LARP1B: variants seen among roughly 807,000 people sequenced by gnomAD.
The protein encoded by LARP1B is la-related protein 1B.
LARP1B carries 76 observed loss-of-function variants against 114.2 expected under a neutral mutation model. The observed-to-expected ratio is 0.67, with a 90% confidence interval of 0.55 to 0.81. LARP1B has a LOEUF of 0.81. Ranked by LOEUF, LARP1B falls within the 30% of genes least tolerant of loss-of-function variation. The probability of loss-of-function intolerance (pLI) is 0.00; values close to 1 mark genes in which losing one functional copy is unlikely to be tolerated. For synonymous variants in LARP1B, 345 were observed against 348.0 expected (o/e 0.99, Z 0.10); for missense variants, 1,014 against 1,075.8 (o/e 0.94, Z 0.80).
intron 11 of LARP1B, chr4:128,123,474 C>T (rs959476270): frequency 1.3e-6 from 1 of 756,068 alleles, no homozygotes; most frequent in African/African-American, 1.9e-5. Context: ...TTCTCTATCC[C>T]TTTACCCAGC....
rs960248498 is a variant in LARP1B at position 128,210,867 on chromosome 4, G to C, written c.*814G>C. On this transcript the variant is annotated 3_prime_UTR_variant, in exon 20 of 20. Coordinates refer to ENST00000326639, the MANE Select transcript of LARP1B (RefSeq NM_018078.4). ...CTGCATTGGGATTGATTGGAATATT[G>C]TCCTAAATTAATTAAATCTTGCACT... The C allele has an allele frequency of 1.7e-5, 17 of 984,388 alleles. No homozygotes were observed. The highest frequency in any genetic ancestry group is 2.1e-5 in the Non-Finnish European group (17 of 829,144). The allele number at this position is 984,388 out of a possible 1,614,324, so 61.0% of individuals were successfully genotyped here.
At chr4:128,135,341 C>T (rs1397025118) in intron 11 of LARP1B, among the ~76,000 whole-genome samples, 1 of 151,944 alleles carries the variant, frequency 6.6e-6, no homozygotes. Flanking sequence ...AATGGTGCAG[C>T]CCTTATGGAA....
chr4:128,161,507 CAA>C (rs1581159322), intron 11 of LARP1B, among the ~76,000 whole-genome samples: 1 of 152,168 alleles, frequency 6.6e-6, no homozygotes, highest in African/African-American at 2.4e-5. Flanking sequence ...TATTATAAAA[CAA>C]AGTGAAATCT....
intron 12 of LARP1B, among the ~76,000 whole-genome samples, chr4:128,167,462 A>G (rs1741625661): frequency 6.6e-6 from 1 of 151,788 alleles, no homozygotes; most frequent in Non-Finnish European, 1.5e-5. Flanking sequence ...TGTATTTTGG[A>G]TATAACTCCT....
intron 7 of LARP1B, among the ~76,000 whole-genome samples, chr4:128,095,100 A>G (rs1777421774): frequency 6.6e-6 from 1 of 152,156 alleles, no homozygotes; most frequent in Admixed American, 6.6e-5. Flanking sequence ...CACATGCCAG[A>G]CACTATGAAT....
At chr4:128,185,534 GT>G (rs56275913) in intron 15 of LARP1B, among the ~76,000 whole-genome samples, 18 of 146,382 alleles carry the variant, frequency 1.2e-4, no homozygotes, top group South Asian at 2.1e-4. Flanking sequence ...TATTTGTATT[GT>G]TTTTTTTTTT....
chr4:128,122,625 C>CT, intron 11 of LARP1B: 2 of 1,458,388 alleles, frequency 1.4e-6, no homozygotes, highest in Non-Finnish European at 1.8e-6. Flanking sequence ...CTTCTTGCCT[C>CT]TTTCTGTTTT....
intron 4 of LARP1B, among the ~76,000 whole-genome samples, chr4:128,080,884 G>A (rs1358405072): frequency 6.6e-6 from 1 of 151,816 alleles, no homozygotes; most frequent in African/African-American, 2.4e-5. Flanking sequence ...TAAAAATCCT[G>A]GGTAAATTAA....
At chr4:128,065,336 C>CTTTCT (rs70966072) in intron 1 of LARP1B, among the ~76,000 whole-genome samples, 5,334 of 107,142 alleles carry the variant, frequency 0.05, 326 homozygotes, top group East Asian at 0.11. Flanking sequence ...TCTCTCTTTC[C>CTTTCT]TTTCTTTTCT....
At chr4:128,064,587 A>G (rs1281342921) in intron 1 of LARP1B, among the ~76,000 whole-genome samples, 2 of 152,210 alleles carry the variant, frequency 1.3e-5, no homozygotes, top group Non-Finnish European at 2.9e-5. Context: ...TTTAAAGCCC[A>G]GTGGCAAGCA....
At chr4:128,083,633 A>C (rs1377962167) in intron 5 of LARP1B, among the ~76,000 whole-genome samples, 31 of 80,014 alleles carry the variant, frequency 3.9e-4, no homozygotes, top group African/African-American at 5.7e-4. Context: ...TGACCCCCCC[A>C]CCTCCCTCCC....
chr4:128,152,378 ATT>A (rs1445703886), intron 11 of LARP1B, among the ~76,000 whole-genome samples: 1 of 151,202 alleles, frequency 6.6e-6, no homozygotes, highest in Non-Finnish European at 1.5e-5. Context: ...TAATTTTTGT[ATT>A]TTCAGTAGAG....
intron 15 of LARP1B, among the ~76,000 whole-genome samples, chr4:128,187,804 C>T (rs577003274): frequency 6.6e-6 from 1 of 152,214 alleles, no homozygotes; most frequent in Non-Finnish European, 1.5e-5. Context: ...GATTGGATCA[C>T]CGGGGCAGTT....
At chr4:128,191,672 C>T (rs1210261180) in intron 15 of LARP1B, among the ~76,000 whole-genome samples, 20 of 152,186 alleles carry the variant, frequency 1.3e-4, no homozygotes. Flanking sequence ...TATGGCATCT[C>T]TTTTGGCTGA....
At chr4:128,168,711 A>G (rs1431210655) in intron 12 of LARP1B, among the ~76,000 whole-genome samples, 1 of 150,636 alleles carries the variant, frequency 6.6e-6, no homozygotes, top group Non-Finnish European at 1.5e-5. Flanking sequence ...ATATTGTTAG[A>G]CTCAGGTTGC....
chr4:128,198,789 AAGAGACTGGTTAATTCAAGTGAAAGAAG>A (rs1352631441), intron 15 of LARP1B, among the ~76,000 whole-genome samples: 5 of 152,340 alleles, frequency 3.3e-5, no homozygotes, highest in South Asian at 4.1e-4. Flanking sequence ...TGGAAAAACA[AAGAGACTGGTTAATTCAAGTGAAAGAAG>A]AGAGACTGGT....
chr4:128,087,087 T>C (rs1365722456), intron 5 of LARP1B, among the ~76,000 whole-genome samples: 2 of 152,124 alleles, frequency 1.3e-5, no homozygotes, highest in African/African-American at 2.4e-5. Context: ...GTCTGGCTAA[T>C]TTTTGTGGTT....
chr4:128,174,316 G>A (rs926567402), intron 12 of LARP1B, among the ~76,000 whole-genome samples: 5 of 151,742 alleles, frequency 3.3e-5, no homozygotes, highest in African/African-American at 1.2e-4. Context: ...GACAAAAAAT[G>A]TTAATATATT....
At chr4:128,102,886 T>G (rs1230654238) in intron 8 of LARP1B, among the ~76,000 whole-genome samples, 1 of 152,214 alleles carries the variant, frequency 6.6e-6, no homozygotes, top group East Asian at 1.9e-4. Flanking sequence ...TACTTTCATC[T>G]CAAACCTTGT....
Sources: allele counts gnomAD v4.1 joint callset (sites outside exome capture counted in the v4.1 genomes callset), GRCh38; gene constraint gnomAD v4.1.1; transcripts MANE v1.5; gene names NCBI Gene and HGNC (gene_info 2026-07-23, HGNC 2026-07-21).